Variants in RNF220 observed in about 807,000 individuals in gnomAD.
The protein encoded by RNF220 is E3 ubiquitin-protein ligase RNF220.
RNF220 carries 7 observed loss-of-function variants against 67.1 expected under a neutral mutation model. The ratio of observed to expected loss-of-function variants is 0.10; its 90% confidence interval spans 0.06 to 0.20. The LOEUF is 0.20. RNF220 is among the 10% of genes least tolerant of loss of function. RNF220 has a pLI of 1.00. For synonymous variants in RNF220, 270 were observed against 283.2 expected, an observed-to-expected ratio of 0.95 and a Z score of 0.47; for missense variants, 565 against 740.3, an observed-to-expected ratio of 0.76 and a Z score of 2.75.
At chr1:44,517,377 C>T (rs993354160) in intron 2 of RNF220, among the ~76,000 whole-genome samples, 3 of 152,190 alleles carry the variant, frequency 2.0e-5, no homozygotes, top group Non-Finnish European at 2.9e-5. Flanking sequence ...ATGACTGCTT[C>T]CCCTCATCCT....
chr1:44,513,487 A>G (rs1292622841), intron 2 of RNF220, among the ~76,000 whole-genome samples: 1 of 151,138 alleles, frequency 6.6e-6, no homozygotes, highest in East Asian at 1.9e-4. Context: ...TTAAAAAAAA[A>G]CACACAAAAC....
chr1:44,474,808 T>C (rs112544684), intron 2 of RNF220, among the ~76,000 whole-genome samples: 1,762 of 151,026 alleles, frequency 0.012, 16 homozygotes, highest in Middle Eastern at 0.021. Context: ...GTTGTAAGTA[T>C]CTAGAGATTA....
intron 2 of RNF220, among the ~76,000 whole-genome samples, chr1:44,447,540 T>A (rs1652232133): frequency 2.0e-5 from 3 of 152,300 alleles, no homozygotes; most frequent in South Asian, 4.1e-4. Context: ...GAGCAAAGGA[T>A]GTTGTAAAAG....
chr1:44,635,133 G>GTA, intron 6 of RNF220: 1 of 160,828 alleles, frequency 6.2e-6, no homozygotes, highest in Non-Finnish European at 1.4e-5. Flanking sequence ...TCAGGCCATC[G>GTA]GAGGGGTTAG....
At chr1:44,582,483 G>A (rs1436313205) in intron 2 of RNF220, among the ~76,000 whole-genome samples, 3 of 152,190 alleles carry the variant, frequency 2.0e-5, no homozygotes, top group Admixed American at 6.5e-5. Context: ...GGTGCCGGGC[G>A]CGGTGGCTCA....
chr1:44,545,821 A>G (rs1450229175), intron 2 of RNF220, among the ~76,000 whole-genome samples: 1 of 151,704 alleles, frequency 6.6e-6, no homozygotes, highest in African/African-American at 2.4e-5. Flanking sequence ...CAATGGCGCA[A>G]ACTCGGCTCA....
intron 2 of RNF220, among the ~76,000 whole-genome samples, chr1:44,429,835 A>G (rs1249849231): frequency 6.6e-6 from 1 of 152,200 alleles, no homozygotes; most frequent in Non-Finnish European, 1.5e-5. Context: ...AAATTTAAAT[A>G]CAAATATCCT....
At chr1:44,599,099 C>T (rs1452671283) in intron 2 of RNF220, among the ~76,000 whole-genome samples, 1 of 152,238 alleles carries the variant, frequency 6.6e-6, no homozygotes, top group South Asian at 2.1e-4. Context: ...CAGGATGAAT[C>T]AGAGAATCTC....
At chr1:44,590,493 A>T (rs1385392904) in intron 2 of RNF220, among the ~76,000 whole-genome samples, 4 of 152,124 alleles carry the variant, frequency 2.6e-5, no homozygotes. Context: ...CAGTGGCTTT[A>T]TATGTAGGGC....
At chr1:44,430,266 G>A (rs1481702492) in intron 2 of RNF220, among the ~76,000 whole-genome samples, 1 of 151,958 alleles carries the variant, frequency 6.6e-6, no homozygotes, top group Non-Finnish European at 1.5e-5. Flanking sequence ...AACATGTGAT[G>A]TATTATTTCT....
At chr1:44,464,489 G>A (rs188560044) in intron 2 of RNF220, among the ~76,000 whole-genome samples, 16 of 152,294 alleles carry the variant, frequency 1.1e-4, no homozygotes, top group Admixed American at 2.6e-4. Flanking sequence ...GAAGTCGATG[G>A]CCAAGCCCAA....
At chr1:44,496,857 C>G (rs1657388687) in intron 2 of RNF220, among the ~76,000 whole-genome samples, 1 of 152,146 alleles carries the variant, frequency 6.6e-6, no homozygotes, top group African/African-American at 2.4e-5. Context: ...TGCAGCTCAC[C>G]CCAGAGAGCA....
chr1:44,647,654 A>C (rs3768439), intron 12 of RNF220, among the ~76,000 whole-genome samples: 1 of 151,950 alleles, frequency 6.6e-6, no homozygotes, highest in Non-Finnish European at 1.5e-5. Context: ...CTAGCTCCCC[A>C]AAGGAAAAAG....
intron 2 of RNF220, among the ~76,000 whole-genome samples, chr1:44,541,996 A>G (rs1259262079): frequency 6.6e-6 from 1 of 152,194 alleles, no homozygotes; most frequent in South Asian, 2.1e-4. Flanking sequence ...ATGCTATGGC[A>G]GAGCCTGGGC....
At chr1:44,627,359 A>AG (rs1275569049) in intron 5 of RNF220, among the ~76,000 whole-genome samples, 5 of 150,720 alleles carry the variant, frequency 3.3e-5, no homozygotes, top group Admixed American at 3.3e-4. Context: ...AAAAAAAAAA[A>AG]AAAAAAAAAA....
chr1:44,492,316 G>C (rs544347178), intron 2 of RNF220, among the ~76,000 whole-genome samples: 3 of 152,270 alleles, frequency 2.0e-5, no homozygotes, highest in South Asian at 2.1e-4. Flanking sequence ...ATGCTCCCGG[G>C]GGGGTGTAAA....
At chr1:44,511,344 G>C (rs1356406714) in intron 2 of RNF220, among the ~76,000 whole-genome samples, 1 of 152,148 alleles carries the variant, frequency 6.6e-6, no homozygotes, top group Non-Finnish European at 1.5e-5. Context: ...ACTAGCGAAG[G>C]GTTAAAGGGA....
chr1:44,632,392 C>T lies in RNF220; in HGVS notation c.949+7C>T. On this transcript the variant is annotated splice_region_variant and intron_variant, in intron 6 of 14. Coordinates refer to ENST00000361799, the MANE Select transcript of RNF220 (RefSeq NM_018150.4). ...CGGCAGACCCGACTGAATGGTGAGTCCTGCCCGGCCCCTCCCTCCGCCCCA... is the reference window on the plus strand; with the variant it reads ...CGGCAGACCCGACTGAATGGTGAGTTCTGCCCGGCCCCTCCCTCCGCCCCA... The T allele has an allele frequency of 6.2e-7, 1 of 1,612,448 alleles. No individual in the cohort carries two copies. The highest frequency in any genetic ancestry group is 8.5e-7 in the Non-Finnish European group (1 of 1,179,572).
intron 2 of RNF220, among the ~76,000 whole-genome samples, chr1:44,438,495 C>T (rs917597569): frequency 1.2e-4 from 19 of 152,140 alleles, no homozygotes; most frequent in African/African-American, 1.9e-4. Flanking sequence ...TACTCTGGTA[C>T]GATTCATTAA....
Sources: allele counts gnomAD v4.1 joint callset (sites outside exome capture counted in the v4.1 genomes callset), GRCh38; gene constraint gnomAD v4.1.1; transcripts MANE v1.5; gene names NCBI Gene and HGNC (gene_info 2026-07-23, HGNC 2026-07-21).